The following NAV1 variants were observed in gnomAD, a reference collection of about 807,000 sequenced individuals.
NAV1 encodes the protein pore membrane and/or filament interacting like protein 3.
NAV1 carries 18 observed loss-of-function variants against 175.2 expected under a neutral mutation model. The ratio of observed to expected loss-of-function variants is 0.10; its 90% confidence interval spans 0.07 to 0.15. The LOEUF (loss-of-function observed/expected upper bound fraction) is 0.15, where lower values mean the gene tolerates loss of function less well. NAV1 is among the 10% of genes least tolerant of loss of function. The pLI, the probability that NAV1 is intolerant of heterozygous loss-of-function variation, is 1.00. For synonymous variants in NAV1, 897 were observed against 978.7 expected (o/e 0.92, Z 1.56); for missense variants, 1,731 against 2,436.6 (o/e 0.71, Z 6.10).
chr1:201,758,746 A>G (rs1197352817), intron 3 of NAV1, among the ~76,000 whole-genome samples: 1 of 152,236 alleles, frequency 6.6e-6, no homozygotes, highest in Non-Finnish European at 1.5e-5. Flanking sequence ...ATGGTCCCCA[A>G]GTGATCTGAG....
intron 2 of NAV1, among the ~76,000 whole-genome samples, chr1:201,716,248 G>A (rs2102479719): frequency 6.6e-6 from 1 of 152,276 alleles, no homozygotes; most frequent in South Asian, 2.1e-4. Flanking sequence ...CTCATCCCAT[G>A]GTCAAGGTCA....
chr1:201,671,990 C>T lies in NAV1; in HGVS notation c.757+22565C>T, dbSNP rs116167847. Among the ~76,000 whole-genome samples, 709 of 152,346 alleles carry T rather than the reference C, an allele frequency of 4.7e-3. 8 individuals carry two copies. Among genetic ancestry groups the T allele is most frequent in the African/African-American group, 0.016 (673 of 41,568 alleles). On this transcript the variant is annotated intron_variant, in intron 1 of 29. Transcript: ENST00000367296. Reference sequence around the variant, plus strand: ...CATCCCGGCCTCTCTCCCACTCCCACTCTATCAGCAGTGTCCCGTCTCTCC... The same window carrying T: ...CATCCCGGCCTCTCTCCCACTCCCATTCTATCAGCAGTGTCCCGTCTCTCC...
intron 15 of NAV1, among the ~76,000 whole-genome samples, chr1:201,803,379 T>G (rs1678063555): frequency 6.6e-6 from 1 of 152,232 alleles, no homozygotes; most frequent in African/African-American, 2.4e-5. Flanking sequence ...AGGAATCATT[T>G]CTTATTTAAT....
At chr1:201,693,094 A>G (rs2007411) in intron 1 of NAV1, among the ~76,000 whole-genome samples, 66,357 of 152,000 alleles carry the variant, frequency 0.44, 14,839 homozygotes, top group South Asian at 0.63. Flanking sequence ...TGGGTGGAGG[A>G]GGTGCCATCT....
intron 2 of NAV1, among the ~76,000 whole-genome samples, chr1:201,604,964 A>G (rs1184384960): frequency 6.6e-6 from 1 of 152,078 alleles, no homozygotes; most frequent in Non-Finnish European, 1.5e-5. Context: ...ATATTTAAGA[A>G]CTTCTTTTTG....
rs1180768186 is a variant in NAV1 at position 201,812,874 on chromosome 1, TC to T, written c.5221+216del. On this transcript the variant is annotated intron_variant, in intron 27 of 29. Transcript: ENST00000367296. The surrounding 1 kb of genome is among the most constrained non-coding windows in gnomAD (Gnocchi z 4.6). The stretch of plus-strand genomic sequence containing the variant: ...AAGCTAACCCCTCTCCTTGTTTTTT[TC>T]CCACAATTAACAGAAAAAAGGAGGC... Among the ~76,000 whole-genome samples, 1 of 152,164 alleles carries T rather than the reference TC, an allele frequency of 6.6e-6. No individual in the cohort carries two copies. The highest frequency in any genetic ancestry group is 1.5e-5 in the Non-Finnish European group (1 of 68,024).
chr1:201,717,120 A>G (rs1466970466), intron 2 of NAV1, among the ~76,000 whole-genome samples: 1 of 152,246 alleles, frequency 6.6e-6, no homozygotes, highest in African/African-American at 2.4e-5. Flanking sequence ...CTCAGGTCCA[A>G]TAGAGACAAC....
In NAV1 at chr1:201,783,829, C is replaced by T. The variant is rs754585004; in HGVS notation, c.2781C>T (p.Ser927=). Reference sequence around the variant, plus strand: ...CGGAAGAGCTGACTTGGAGTGGAAGCCCCAGAGCTGGGCAACTGGACAGGT... The same window carrying T: ...CGGAAGAGCTGACTTGGAGTGGAAGTCCCAGAGCTGGGCAACTGGACAGGT... Residue 927 remains serine (S), a synonymous_variant, in exon 7 of 30, where the codon AGC becomes AGT. Transcript: ENST00000367296. 8 of 1,612,256 alleles carry T rather than the reference C, an allele frequency of 5.0e-6. No homozygotes were observed. The East Asian group carries it at 1.6e-4, about 31-fold the overall frequency.
intron 20 of NAV1, 130 bp from the exon 25 acceptor site, chr1:201,809,034 A>C: frequency 7.9e-7 from 1 of 1,271,882 alleles, no homozygotes; most frequent in East Asian, 2.3e-5. Context: ...AACCTTAACT[A>C]CTTTTGAGTT....
At chr1:201,569,576 A>G (rs775097921) in intron 1 of NAV1, among the ~76,000 whole-genome samples, 2 of 152,162 alleles carry the variant, frequency 1.3e-5, no homozygotes, top group Non-Finnish European at 2.9e-5. Flanking sequence ...ATCATATAAG[A>G]TGCTCCAGGT....
At chr1:201,609,797 T>G (rs2102250731) in intron 2 of NAV1, among the ~76,000 whole-genome samples, 1 of 152,194 alleles carries the variant, frequency 6.6e-6, no homozygotes, top group East Asian at 1.9e-4. Context: ...TCTAAGCTAT[T>G]GTTAGGGAAG....
chr1:201,679,883 T>A (rs1038534259), intron 1 of NAV1, among the ~76,000 whole-genome samples: 1 of 152,260 alleles, frequency 6.6e-6, no homozygotes, highest in Non-Finnish European at 1.5e-5. Flanking sequence ...GGAATTCTTC[T>A]GTATGAGAGA....
At chr1:201,723,970 CT>C (rs1243059460) in intron 3 of NAV1, 1 of 152,124 alleles carries the variant, frequency 6.6e-6, no homozygotes, top group Non-Finnish European at 1.5e-5. Context: ...GAAAAAGTCC[CT>C]AGCTTATTTC....
In NAV1 at chr1:201,794,468, C is replaced by T. The variant is rs77544950; in HGVS notation, c.3408C>T (p.Asp1136=). Reference sequence around the variant, plus strand: ...CGCTATTTTCATTTCTCTCTTAGGACACTGAGCTGCTGGATTTGCGAGAAA... The same window carrying T: ...CGCTATTTTCATTTCTCTCTTAGGATACTGAGCTGCTGGATTTGCGAGAAA... The change falls in exon 15 of 30, where the codon GAC becomes GAT. Residue 1136 remains aspartate (D), a splice_region_variant and synonymous_variant. Coordinates refer to ENST00000367296, the Ensembl canonical transcript of NAV1. 563 of 1,612,892 alleles carry T rather than the reference C, an allele frequency of 3.5e-4. 2 individuals are homozygous for T. In the African/African-American group the frequency reaches 6.8e-3, roughly 19 times the overall value.
chr1:201,819,537 G>C (rs1031398138), intron 29 of NAV1, among the ~76,000 whole-genome samples: 3 of 148,162 alleles, frequency 2.0e-5, no homozygotes, highest in African/African-American at 7.6e-5. Flanking sequence ...GCTCACTGCT[G>C]CCTCAAACTC....
At position 201,813,496 on chromosome 1, in the gene NAV1, A is replaced by G. The variant is rs1044359522; in HGVS notation, c.5340+238A>G. 6.6e-6 allele frequency among the ~76,000 whole-genome samples: 1 copy of G among 152,176 alleles called. No individual in the cohort carries two copies. The highest frequency in any genetic ancestry group is 1.5e-5 in the Non-Finnish European group (1 of 68,026). On this transcript the variant is annotated intron_variant, in intron 28 of 29. Coordinates refer to ENST00000367296, the Ensembl canonical transcript of NAV1. The surrounding 1 kb of genome is among the most constrained non-coding windows in gnomAD (Gnocchi z 4.2). ...CTCCAGTCCTAGGCCTTCTGGCTCT[A>G]AGCCCAATTTAAACCACTCTCTAGG...
At chr1:201,642,673 TC>T (rs1351672423) in intron 2 of NAV1, among the ~76,000 whole-genome samples, 2 of 120,318 alleles carry the variant, frequency 1.7e-5, no homozygotes, top group Non-Finnish European at 3.5e-5. Context: ...CTTCCTTCCC[TC>T]CCTCTCTTTC....
intron 1 of NAV1, among the ~76,000 whole-genome samples, chr1:201,700,818 T>C (rs948513418): frequency 2.0e-5 from 3 of 151,934 alleles, no homozygotes; most frequent in African/African-American, 7.2e-5. Context: ...GAGACCATCC[T>C]GGCTAACATG....
intron 2 of NAV1, among the ~76,000 whole-genome samples, chr1:201,632,361 G>T (rs1668501403): frequency 6.6e-6 from 1 of 152,218 alleles, no homozygotes. Context: ...GTGTGGAAAT[G>T]CCCAGCCCAC....
Sources: allele counts gnomAD v4.1 joint callset (sites outside exome capture counted in the v4.1 genomes callset), GRCh38; gene constraint gnomAD v4.1.1; non-coding constraint Gnocchi (gnomAD v3.1); transcripts MANE v1.5; gene names NCBI Gene and HGNC (gene_info 2026-07-23, HGNC 2026-07-21).